The following CD48 variants were observed in gnomAD, a reference collection of about 807,000 sequenced individuals.
CD48 encodes CD48 molecule, also known as CD48 antigen.
A neutral mutation model predicts 22.0 loss-of-function variants in CD48; 20 were observed. That is an observed-to-expected ratio of 0.91 (90% CI 0.64 to 1.32). CD48 has a LOEUF of 1.32. Among genes scored for constraint, CD48 ranks in the 40% most tolerant of loss-of-function variants. The pLI is 0.00. For synonymous variants in CD48, 110 were observed against 110.1 expected, an observed-to-expected ratio of 1.00 and a Z score of 0.01; for missense variants, 307 against 286.5, an observed-to-expected ratio of 1.07 and a Z score of -0.52.
intron 3 of CD48, chr1:160,680,499 G>T: frequency 1.2e-6 from 1 of 829,166 alleles, no homozygotes; most frequent in Non-Finnish European, 1.5e-6. Context: ...GCTAGTAAGT[G>T]ACAGTCCTAG....
intron 2 of CD48, among the ~76,000 whole-genome samples, chr1:160,682,516 G>C (rs1661846572): frequency 1.6e-5 from 2 of 127,284 alleles, no homozygotes; most frequent in East Asian, 2.8e-4. Flanking sequence ...GAAGAGAAGA[G>C]AGGAAAAAGA....
chr1:160,699,337 C>A (rs4117528), intron 1 of CD48: 12 of 157,880 alleles, frequency 7.6e-5, no homozygotes, highest in African/African-American at 2.7e-4. Context: ...GGGACACAAA[C>A]ACTGCGAAAG....
chr1:160,708,165 T>G (rs918758703), intron 1 of CD48, among the ~76,000 whole-genome samples: 1 of 152,124 alleles, frequency 6.6e-6, no homozygotes, highest in African/African-American at 2.4e-5. Flanking sequence ...GTAGTGAATA[T>G]TCCAACAAGA....
At chr1:160,696,336 T>C (rs1392533259) in intron 1 of CD48, among the ~76,000 whole-genome samples, 30 of 151,410 alleles carry the variant, frequency 2.0e-4, no homozygotes, top group African/African-American at 7.1e-4. Flanking sequence ...GCATGGACGA[T>C]CAGTTAAACC....
intron 1 of CD48, chr1:160,699,126 C>A (rs4117527): frequency 6.5e-6 from 1 of 153,210 alleles, no homozygotes; most frequent in Non-Finnish European, 1.5e-5. Flanking sequence ...CCATTTTGTT[C>A]TGTACTAAGA....
intron 1 of CD48, among the ~76,000 whole-genome samples, chr1:160,691,248 T>C (rs11265468): frequency 0.3 from 45,048 of 151,908 alleles, 7,346 homozygotes; most frequent in Non-Finnish European, 0.38. Flanking sequence ...GGAAAGCATG[T>C]CTCTTGCAGT....
intron 1 of CD48, among the ~76,000 whole-genome samples, chr1:160,690,552 G>A (rs1179046929): frequency 6.6e-6 from 1 of 152,168 alleles, no homozygotes; most frequent in Admixed American, 6.5e-5. Flanking sequence ...GAACTCCTGA[G>A]CTTCTTGGGT....
At chr1:160,706,824 T>G (rs1489794671) in intron 1 of CD48, among the ~76,000 whole-genome samples, 1 of 152,118 alleles carries the variant, frequency 6.6e-6, no homozygotes, top group Non-Finnish European at 1.5e-5. Flanking sequence ...TCAAAGGAAG[T>G]CATAATCCCA....
chr1:160,688,818 C>T (rs1010772476), intron 1 of CD48, among the ~76,000 whole-genome samples: 21 of 152,254 alleles, frequency 1.4e-4, no homozygotes, highest in East Asian at 5.8e-4. Context: ...TGATGATTCT[C>T]GTTCTCCTGA....
chr1:160,694,731 G>A (rs938106985), intron 1 of CD48, among the ~76,000 whole-genome samples: 1 of 152,054 alleles, frequency 6.6e-6, no homozygotes, highest in African/African-American at 2.4e-5. Context: ...ATAAATCACG[G>A]AAGAGAAGGA....
intron 1 of CD48, among the ~76,000 whole-genome samples, chr1:160,688,061 C>T (rs1004386154): frequency 6.6e-6 from 1 of 152,216 alleles, no homozygotes; most frequent in Non-Finnish European, 1.5e-5. Context: ...AGACTCACTA[C>T]CTGATCTCCA....
chr1:160,703,108 A>C (rs1662685148), intron 1 of CD48, among the ~76,000 whole-genome samples: 1 of 152,114 alleles, frequency 6.6e-6, no homozygotes, highest in South Asian at 2.1e-4. Context: ...GCATCAGAGA[A>C]ACTATCGGAG....
intron 1 of CD48, among the ~76,000 whole-genome samples, chr1:160,694,904 T>C (rs1340423322): frequency 1.3e-5 from 2 of 152,278 alleles, no homozygotes; most frequent in African/African-American, 4.8e-5. Flanking sequence ...AAGGGACATA[T>C]TGAGCCTTCA....
rs1482360077 is a variant in CD48, at chr1:160,711,805, G to A, written c.-42C>T. On this transcript the variant is annotated 5_prime_UTR_variant, in exon 1 of 4. Coordinates refer to ENST00000368046, the MANE Select transcript of CD48 (RefSeq NM_001778.4). ...TCCCAGCAACGCAGGAGACAGTTGAGAGCCTGGCTAGAAAAAGGCCGGGGC... is the reference window on the plus strand; with the variant it reads ...TCCCAGCAACGCAGGAGACAGTTGAAAGCCTGGCTAGAAAAAGGCCGGGGC... 10 of 1,471,582 alleles carry A rather than the reference G, an allele frequency of 6.8e-6. No individual in the cohort carries two copies. The highest frequency in any genetic ancestry group is 5.7e-6 in the Non-Finnish European group (6 of 1,052,440). 91.2% of individuals were successfully genotyped at this position (1,471,582 alleles called of 1,614,324 possible).
At chr1:160,687,905 T>C (rs1662060546) in intron 1 of CD48, among the ~76,000 whole-genome samples, 1 of 152,240 alleles carries the variant, frequency 6.6e-6, no homozygotes, top group Admixed American at 6.5e-5. Flanking sequence ...TTCTTTAATT[T>C]AGTTATGTCC....
intron 1 of CD48, among the ~76,000 whole-genome samples, chr1:160,697,865 G>A (rs1269610260): frequency 3.9e-5 from 6 of 152,064 alleles, no homozygotes; most frequent in Non-Finnish European, 8.8e-5. Context: ...GAGTCCAGCT[G>A]TTGATAGCGA....
intron 1 of CD48, among the ~76,000 whole-genome samples, chr1:160,705,255 A>G (rs1002384238): frequency 1.6e-4 from 25 of 152,196 alleles, no homozygotes; most frequent in Admixed American, 1.6e-3. Context: ...TGTACACGGA[A>G]ATACCTAGGC....
intron 3 of CD48, chr1:160,680,994 A>G: frequency 7.4e-7 from 1 of 1,346,382 alleles, no homozygotes; most frequent in South Asian, 1.5e-5. Context: ...TGCAGGTGAG[A>G]ACACTGAGCC....
chr1:160,684,847 C>T, intron 2 of CD48, 40 bp downstream of exon 2: 2 of 1,614,042 alleles, frequency 1.2e-6, no homozygotes, highest in Non-Finnish European at 1.7e-6. Context: ...CATCTGGGGC[C>T]ACTGGAGTGG....
Sources: gnomAD v4.1 joint callset for allele counts (sites outside exome capture counted in the v4.1 genomes callset) on GRCh38, gnomAD v4.1.1 for gene constraint, MANE v1.5 for transcripts, NCBI Gene and HGNC (gene_info 2026-07-23, HGNC 2026-07-21) for gene names.